Variants in PIK3C2G observed in about 807,000 individuals in gnomAD.
PIK3C2G encodes the protein phosphatidylinositol 3-kinase C2 domain-containing subunit gamma.
Under a neutral mutation model 181.1 loss-of-function variants are expected in PIK3C2G, and 168 were observed. The ratio of observed to expected loss-of-function variants is 0.93; its 90% confidence interval spans 0.82 to 1.05. The LOEUF is 1.05. Ranked by LOEUF, PIK3C2G falls within the 50% of genes least tolerant of loss-of-function variation. The pLI, the probability that PIK3C2G is intolerant of heterozygous loss-of-function variation, is 0.00. For missense variants in PIK3C2G, 1,869 were observed against 1,732.8 expected (o/e 1.08, Z -1.40); for synonymous variants, 573 against 592.2 (o/e 0.97, Z 0.47).
Position 18,284,601 on chromosome 12 carries a change from T to A in PIK3C2G, c.678+1842T>A, listed in dbSNP as rs556802242. Among the ~76,000 whole-genome samples, 4 of 152,308 alleles carry A rather than the reference T, an allele frequency of 2.6e-5. No individual in the cohort carries two copies. The East Asian group carries it at 5.8e-4, about 22-fold the overall frequency. On this transcript the variant is annotated intron_variant, in intron 2 of 32. Transcript: ENST00000538779. ...AACTTTAAATTGGTTATTAAAAGTATGTTCAAGTAGATAAAGTTAAAGAAG... is the reference window on the plus strand; with the variant it reads ...AACTTTAAATTGGTTATTAAAAGTAAGTTCAAGTAGATAAAGTTAAAGAAG...
At chr12:18,571,841 C>T (rs1415670061) in intron 29 of PIK3C2G, among the ~76,000 whole-genome samples, 2 of 150,716 alleles carry the variant, frequency 1.3e-5, no homozygotes, top group Non-Finnish European at 2.9e-5. Context: ...ATTATTTACA[C>T]TTGCTACTGT....
intron 5 of PIK3C2G, among the ~76,000 whole-genome samples, chr12:18,311,950 G>T (rs1156254282): frequency 3.3e-5 from 5 of 152,288 alleles, no homozygotes; most frequent in South Asian, 4.1e-4. Flanking sequence ...CAAAGCTGAA[G>T]AACTTGGAAT....
At chr12:18,337,291 T>A (rs1938624194) in intron 8 of PIK3C2G, among the ~76,000 whole-genome samples, 1 of 152,108 alleles carries the variant, frequency 6.6e-6, no homozygotes, top group Admixed American at 6.6e-5. Context: ...AATGCTTATT[T>A]AAGAACATGT....
At position 18,471,862 on chromosome 12, in the gene PIK3C2G, A is replaced by G. The variant is rs547631996; in HGVS notation, c.2505-16587A>G. On this transcript the variant is annotated intron_variant, in intron 18 of 32. Coordinates refer to ENST00000538779, the MANE Select transcript of PIK3C2G (RefSeq NM_001288772.2). ...TGGCTTTCTCATAATGCTTAGTAACATGTTACCCATAGTCAATAATCAATA... is the reference window on the plus strand; with the variant it reads ...TGGCTTTCTCATAATGCTTAGTAACGTGTTACCCATAGTCAATAATCAATA... Among the ~76,000 whole-genome samples the G allele has an allele frequency of 9.9e-5, 15 of 152,248 alleles. No individual in the cohort carries two copies. In the South Asian group the frequency reaches 3.1e-3, roughly 32 times the overall value.
intron 30 of PIK3C2G, among the ~76,000 whole-genome samples, chr12:18,608,053 AG>A: frequency 1.9e-5 from 2 of 107,736 alleles, no homozygotes; most frequent in Admixed American, 1.8e-4. Context: ...AGGAAACAAC[AG>A]GATGTGGAGG....
chr12:18,511,443 A>C (rs1187882985), intron 24 of PIK3C2G, among the ~76,000 whole-genome samples: 1 of 152,072 alleles, frequency 6.6e-6, no homozygotes, highest in African/African-American at 2.4e-5. Flanking sequence ...TGTTCCCACA[A>C]ACATTGCATA....
At chr12:18,650,702 G>A (rs79057666), downstream of PIK3C2G, among the ~76,000 whole-genome samples, 151 of 27,620 alleles carry the variant, frequency 5.5e-3, 5 homozygotes, top group Non-Finnish European at 0.011. Context: ...GTGTGTGTGT[G>A]TGTATATATC....
chr12:18,429,273 C>T (rs1299979889), intron 18 of PIK3C2G, among the ~76,000 whole-genome samples: 1 of 152,120 alleles, frequency 6.6e-6, no homozygotes, highest in Non-Finnish European at 1.5e-5. Flanking sequence ...GAAGGTTCTC[C>T]CCGGAGCCTT....
At chr12:18,606,945 T>C (rs1462326728) in intron 30 of PIK3C2G, among the ~76,000 whole-genome samples, 1 of 152,070 alleles carries the variant, frequency 6.6e-6, no homozygotes. Flanking sequence ...AAAATTAAGG[T>C]TACTCTTGTT....
chr12:18,475,306 C>A (rs545192503), intron 18 of PIK3C2G, among the ~76,000 whole-genome samples: 1 of 149,804 alleles, frequency 6.7e-6, no homozygotes, highest in Admixed American at 6.7e-5. Flanking sequence ...TTTGAAAATT[C>A]TTTAGAGATA....
chr12:18,604,281 A>T (rs994645306), intron 30 of PIK3C2G, among the ~76,000 whole-genome samples: 6 of 152,238 alleles, frequency 3.9e-5, no homozygotes, highest in African/African-American at 1.4e-4. Flanking sequence ...AAGCAACCAC[A>T]GTTAAAAGAG....
chr12:18,378,980 G>C (rs1362332541), intron 13 of PIK3C2G, among the ~76,000 whole-genome samples: 2 of 152,156 alleles, frequency 1.3e-5, no homozygotes, highest in Non-Finnish European at 2.9e-5. Context: ...TCTAGAACTA[G>C]AAATACCATT....
chr12:18,361,084 ATTGTTGTTGTTG>A (rs369677115), intron 11 of PIK3C2G, among the ~76,000 whole-genome samples: 3 of 150,150 alleles, frequency 2.0e-5, no homozygotes, highest in African/African-American at 7.4e-5. Context: ...GGTTTTTGTT[ATTGTTGTTGTTG>A]TTGTTGTTTT....
chr12:18,455,816 T>C (rs887692786), intron 18 of PIK3C2G, among the ~76,000 whole-genome samples: 8 of 152,168 alleles, frequency 5.3e-5, no homozygotes, highest in African/African-American at 1.9e-4. Flanking sequence ...CTTAATATCA[T>C]CACATTAGTG....
At chr12:18,377,296 G>A (rs934167498) in intron 13 of PIK3C2G, among the ~76,000 whole-genome samples, 3 of 152,170 alleles carry the variant, frequency 2.0e-5, no homozygotes, top group African/African-American at 4.8e-5. Context: ...CACAAATTTT[G>A]TGTTGGCTTT....
chr12:18,257,414 A>C (rs564978110), upstream of PIK3C2G, among the ~76,000 whole-genome samples: 30 of 152,292 alleles, frequency 2.0e-4, no homozygotes, highest in South Asian at 5.8e-3. Flanking sequence ...GCTGGAACAC[A>C]GCACAGGAGA....
At chr12:18,298,175 C>T (rs1307611317) in intron 5 of PIK3C2G, among the ~76,000 whole-genome samples, 4 of 151,938 alleles carry the variant, frequency 2.6e-5, no homozygotes, top group African/African-American at 9.7e-5. Flanking sequence ...TCTCTGCATC[C>T]TTGCCAGCAT....
chr12:18,460,719 G>A lies in PIK3C2G; in HGVS notation c.2505-27730G>A, dbSNP rs182504976. Among the ~76,000 whole-genome samples the A allele has an allele frequency of 8.7e-5, 13 of 150,144 alleles. No homozygotes were observed. The East Asian group carries it at 2.3e-3, about 27-fold the overall frequency. On this transcript the variant is annotated intron_variant, in intron 18 of 32. Transcript: ENST00000538779. ...TAGCTATTTTTTATTGTTGCTATAT[G>A]AAAATTAGAAAACGCAGATTAGCAT...
At chr12:18,455,453 TTTA>T (rs1947575938) in intron 18 of PIK3C2G, among the ~76,000 whole-genome samples, 1 of 152,140 alleles carries the variant, frequency 6.6e-6, no homozygotes, top group African/African-American at 2.4e-5. Context: ...TGTTTAAAAT[TTTA>T]TTTTCTCCCT....
Sources: allele counts gnomAD v4.1 joint callset (sites outside exome capture counted in the v4.1 genomes callset), GRCh38; gene constraint gnomAD v4.1.1; transcripts MANE v1.5; gene names NCBI Gene and HGNC (gene_info 2026-07-23, HGNC 2026-07-21).